The following CEMIP2 variants were observed in gnomAD, a reference collection of about 807,000 sequenced individuals.
CEMIP2 encodes cell migration inducing hyaluronidase 2.
In CEMIP2, 79 loss-of-function variants were observed where a neutral mutation model predicts 146.9. The observed-to-expected ratio is 0.54, with a 90% CI of 0.45 to 0.65. The LOEUF is 0.65. Ranked by LOEUF, CEMIP2 falls within the 30% of genes least tolerant of loss-of-function variation. CEMIP2 has a pLI of 0.00. For synonymous variants in CEMIP2, 601 were observed against 606.3 expected (o/e 0.99, Z 0.13); for missense variants, 1,596 against 1,696.2 (o/e 0.94, Z 1.04).
intron 13 of CEMIP2, 23 bp from the exon 14 acceptor site, chr9:71,716,575 G>C: frequency 6.4e-7 from 1 of 1,570,762 alleles, no homozygotes; most frequent in East Asian, 2.3e-5. Flanking sequence ...AGAGAATGAA[G>C]AACATTTTAA....
chr9:71,741,631 G>GT (rs11334265), intron 4 of CEMIP2, among the ~76,000 whole-genome samples: 17,226 of 73,240 alleles, frequency 0.24, 3,728 homozygotes, highest in East Asian at 0.27. Flanking sequence ...TTCTTTTCTG[G>GT]TTTTTTTTTT....
At position 71,685,774 on chromosome 9, in the gene CEMIP2, T is replaced by C; in HGVS notation, c.3924A>G (p.Gly1308=). Residue 1308 remains glycine, a synonymous_variant, in exon 23 of 24, where the codon GGA becomes GGG. Transcript: ENST00000377044. ...CATAAAGATGAGCTGGTTTGGCTAA[T>C]CCCAGAGGTACTAGTAAGTGTGAAA... is the stretch of plus-strand genomic sequence containing the variant. ...LNISHLLVPL[G]LAKPAHLYDK... is the part of the protein sequence containing the mutation. The C allele has an allele frequency of 6.2e-7, 1 of 1,614,078 alleles. No homozygotes were observed. Among genetic ancestry groups the C allele is most frequent in the African/African-American group, 1.3e-5 (1 of 75,046 alleles).
chr9:71,729,421 C>T (rs902686393), intron 10 of CEMIP2, among the ~76,000 whole-genome samples: 2 of 151,844 alleles, frequency 1.3e-5, no homozygotes, highest in South Asian at 4.2e-4. Flanking sequence ...AGATTGAGAC[C>T]ATCCTAGCTA....
intron 19 of CEMIP2, among the ~76,000 whole-genome samples, chr9:71,698,900 C>T (rs1298225989): frequency 6.6e-6 from 1 of 152,070 alleles, no homozygotes; most frequent in African/African-American, 2.4e-5. Context: ...TCTAAAAAAA[C>T]TTGATCAAGT....
At chr9:71,756,464 TAC>T (rs755374639) in intron 1 of CEMIP2, among the ~76,000 whole-genome samples, 2 of 144,886 alleles carry the variant, frequency 1.4e-5, no homozygotes, top group Non-Finnish European at 3.0e-5. Context: ...TCTCTTCAAC[TAC>T]AGATTCCTCT....
intron 7 of CEMIP2, 122 bp downstream of exon 7, chr9:71,732,229 G>A (rs1360411865): frequency 1.9e-6 from 2 of 1,046,536 alleles, no homozygotes; most frequent in Non-Finnish European, 2.7e-6. Flanking sequence ...ATTGTCATTT[G>A]AGAAACAAAA....
In CEMIP2 at chr9:71,756,504, TCTCA is replaced by T. The variant is rs1279542870; in HGVS notation, c.-12-6123_-12-6120del. Reference sequence around the variant, plus strand: ...CTCTCTCTCTCTCTCTCTCTCTCTCTCTCACACACACACACACACACACACACAC... The same window carrying T: ...CTCTCTCTCTCTCTCTCTCTCTCTCTCACACACACACACACACACACACAC... On this transcript the variant is annotated intron_variant, in intron 1 of 23. Coordinates refer to ENST00000377044, the MANE Select transcript of CEMIP2 (RefSeq NM_013390.3). Among the ~76,000 whole-genome samples the T allele has an allele frequency of 6.5e-3, 724 of 111,684 alleles. 4 individuals carry two copies. Among genetic ancestry groups the T allele is most frequent in the Middle Eastern group, 0.027 (6 of 222 alleles). 73.3% of individuals were successfully genotyped at this position (111,684 alleles called of 152,430 possible). A position where few individuals can be genotyped will look rare whatever the true frequency, so the allele number is the denominator to read the frequency against.
chr9:71,718,381 T>A (rs890713347), intron 12 of CEMIP2, among the ~76,000 whole-genome samples: 3 of 152,140 alleles, frequency 2.0e-5, no homozygotes, highest in Admixed American at 1.3e-4. Context: ...GATCAGGAAG[T>A]ATGTCATGTG....
intron 21 of CEMIP2, among the ~76,000 whole-genome samples, chr9:71,692,245 T>TAACAACA (rs1589125662): frequency 6.6e-6 from 1 of 150,756 alleles, no homozygotes; most frequent in East Asian, 2.0e-4. Context: ...ACCCAGTGTG[T>TAACAACA]AACAACAGAG....
Position 71,700,703 on chromosome 9 carries a change from A to C in CEMIP2, c.3316T>G (p.Ser1106Ala). ...TGCTTTCTTTGCAGTTCTTCCAGTG[A>C]ATGCACAGGCTCATATTCTTCGATT... ...SKIEEYEPVH[S>A]LEELQRKQSE... Residue 1106 changes from serine to alanine, a missense_variant, in exon 19 of 24, where the codon TCA becomes GCA. By Grantham distance (99) the Ser-to-Ala change is moderately conservative (BLOSUM62 1). Coordinates refer to ENST00000377044, the MANE Select transcript of CEMIP2 (RefSeq NM_013390.3). The C allele has an allele frequency of 3.1e-6, 5 of 1,612,648 alleles. No individual in the cohort carries two copies. The highest frequency in any genetic ancestry group is 4.2e-6 in the Non-Finnish European group (5 of 1,179,596).
chr9:71,739,085 AAAGT>A (rs1466105047), intron 5 of CEMIP2, among the ~76,000 whole-genome samples: 42 of 152,318 alleles, frequency 2.8e-4, no homozygotes, highest in South Asian at 2.5e-3. Context: ...CCTCTTCCAG[AAAGT>A]AAGTCACTGA....
chr9:71,740,925 C>G (rs1823895195), intron 4 of CEMIP2, among the ~76,000 whole-genome samples: 1 of 152,160 alleles, frequency 6.6e-6, no homozygotes, highest in South Asian at 2.1e-4. Context: ...CCCACTCTCT[C>G]AGTTTCTGAG....
intron 1 of CEMIP2, among the ~76,000 whole-genome samples, chr9:71,766,847 C>T (rs1824812642): frequency 6.6e-6 from 1 of 152,186 alleles, no homozygotes; most frequent in Non-Finnish European, 1.5e-5. Context: ...AAAAAAACAG[C>T]GTCAGGAGGA....
At chr9:71,697,146 G>T (rs1822426493) in intron 20 of CEMIP2, among the ~76,000 whole-genome samples, 2 of 152,212 alleles carry the variant, frequency 1.3e-5, no homozygotes, top group Non-Finnish European at 2.9e-5. Flanking sequence ...TAGGATGAGG[G>T]TTGGGCCCAA....
intron 8 of CEMIP2, among the ~76,000 whole-genome samples, 158 bp from the exon 9 acceptor site, chr9:71,730,411 GA>G (rs1291165703): frequency 6.6e-6 from 1 of 152,022 alleles, no homozygotes; most frequent in Non-Finnish European, 1.5e-5. Flanking sequence ...ATTTATCTCT[GA>G]AGGGGATAAT....
intron 5 of CEMIP2, among the ~76,000 whole-genome samples, chr9:71,735,890 C>A (rs939455892): frequency 2.0e-5 from 3 of 152,208 alleles, no homozygotes; most frequent in Non-Finnish European, 2.9e-5. Flanking sequence ...CCCAGGAGTT[C>A]AAGACTAGCT....
chr9:71,709,320 T>C lies in CEMIP2; in HGVS notation c.2924A>G (p.His975Arg). Reference protein sequence around the residue: ...VGRMDNYLIRHPSCVNVSKWN... With the variant: ...VGRMDNYLIRRPSCVNVSKWN... ...CTTAGACACATTTACACAGCTTGGA[T>C]GGCGGATCAGGTAGTTGTCCATTCT... The change falls in exon 17 of 24, where the codon CAT (histidine) becomes CGT (arginine). Residue 975 changes from histidine to arginine, a missense_variant. Transcript: ENST00000377044. 1 of 1,614,212 alleles carries C rather than the reference T, an allele frequency of 6.2e-7. No homozygotes were observed. Among genetic ancestry groups the C allele is most frequent in the Non-Finnish European group, 8.5e-7 (1 of 1,180,032 alleles).
chr9:71,702,492 G>A (rs891680373), intron 18 of CEMIP2, among the ~76,000 whole-genome samples: 1 of 152,022 alleles, frequency 6.6e-6, no homozygotes, highest in African/African-American at 2.4e-5. Flanking sequence ...GCAACTTGAG[G>A]TTAGAAAGAG....
intron 5 of CEMIP2, among the ~76,000 whole-genome samples, chr9:71,736,696 C>CTA (rs1266119406): frequency 6.6e-5 from 10 of 152,188 alleles, no homozygotes; most frequent in African/African-American, 2.4e-4. Flanking sequence ...TGCTTCTTAA[C>CTA]ATTCATGATA....
Sources: allele counts gnomAD v4.1 joint callset (sites outside exome capture counted in the v4.1 genomes callset), GRCh38; gene constraint gnomAD v4.1.1; transcripts MANE v1.5; gene names NCBI Gene and HGNC (gene_info 2026-07-23, HGNC 2026-07-21).